The following ITGA9 variants were observed in gnomAD, a reference collection of about 807,000 sequenced individuals.
ITGA9 encodes integrin alpha-9.
A neutral mutation model predicts 127.8 loss-of-function variants in ITGA9; 56 were observed. That is an observed-to-expected ratio of 0.44 (90% CI 0.35 to 0.55). ITGA9 has a LOEUF of 0.55. ITGA9 is among the 20% of genes least tolerant of loss of function. ITGA9 has a pLI of 0.00. For synonymous variants in ITGA9, 508 were observed against 514.5 expected, an observed-to-expected ratio of 0.99 and a Z score of 0.17; for missense variants, 1,196 against 1,347.1, an observed-to-expected ratio of 0.89 and a Z score of 1.76.
chr3:37,601,176 A>T (rs779903237), intron 15 of ITGA9, among the ~76,000 whole-genome samples: 2 of 152,166 alleles, frequency 1.3e-5, no homozygotes, highest in Non-Finnish European at 2.9e-5. Context: ...TATTGGATGG[A>T]AAAGAGGGAA....
chr3:37,737,945 A>G (rs1244536299), intron 20 of ITGA9, among the ~76,000 whole-genome samples: 1 of 152,204 alleles, frequency 6.6e-6, no homozygotes, highest in Non-Finnish European at 1.5e-5. Context: ...TGATTCATAA[A>G]TACTTCAGTG....
rs1380066443 is a variant in ITGA9, at chr3:37,799,921, G to C, written c.2890-3902G>C. 1.3e-4 allele frequency among the ~76,000 whole-genome samples: 20 copies of C among 152,268 alleles called. No individual in the cohort carries two copies. Among genetic ancestry groups the C allele is most frequent in the Non-Finnish European group, 2.9e-5 (2 of 68,002 alleles). On this transcript the variant is annotated intron_variant, in intron 26 of 27. Transcript: ENST00000264741. This position sits in a 1 kb window ranked among gnomAD's most constrained non-coding sequence, Gnocchi z 4.0. Reference sequence around the variant, plus strand: ...CGTCCATGCTGCTGTTCCTTCCTTAGAGTTTTGTTTTTTAATCTAAGATAT... The same window carrying C: ...CGTCCATGCTGCTGTTCCTTCCTTACAGTTTTGTTTTTTAATCTAAGATAT...
intron 15 of ITGA9, among the ~76,000 whole-genome samples, chr3:37,608,031 C>T (rs1288902570): frequency 6.6e-6 from 1 of 152,220 alleles, no homozygotes; most frequent in African/African-American, 2.4e-5. Flanking sequence ...TACAGGTGAG[C>T]ATCCGATCTG....
chr3:37,471,209 C>T lies in ITGA9; in HGVS notation c.313+75C>T, dbSNP rs1698427806. On this transcript the variant is annotated intron_variant, in intron 2 of 27. Coordinates refer to ENST00000264741, the MANE Select transcript of ITGA9 (RefSeq NM_002207.3). The stretch of plus-strand genomic sequence containing the variant: ...CTTGCTCTTCTTCTTCCCAGGATGG[C>T]CTGATCATTCACTCACCCATCCATC... 2.0e-6 allele frequency: 3 copies of T among 1,537,084 alleles called. No individual in the cohort carries two copies. In the South Asian group the frequency reaches 3.4e-5, roughly 17 times the overall value.
chr3:37,653,169 C>A lies in ITGA9; in HGVS notation c.1840-545C>A, dbSNP rs903897895. Among the ~76,000 whole-genome samples, 6 of 152,342 alleles carry A rather than the reference C, an allele frequency of 3.9e-5. No homozygotes were observed. The East Asian group carries it at 9.6e-4, about 24-fold the overall frequency. ...ACCAACAAACTGGAAAGAATCTCCC[C>A]CAGTCTGTTGTGATTCCCTCAGCCT... On this transcript the variant is annotated intron_variant, in intron 16 of 27. Coordinates refer to ENST00000264741, the MANE Select transcript of ITGA9 (RefSeq NM_002207.3).
Position 37,785,194 on chromosome 3 carries a change from T to G in ITGA9, c.2889+116T>G, listed in dbSNP as rs1400621410. The G allele has an allele frequency of 5.0e-6, 4 of 792,642 alleles. No individual in the cohort carries two copies. The Admixed American group carries it at 7.6e-5, about 15-fold the overall frequency. The allele number at this position is 792,642 out of a possible 1,614,324, so 49.1% of individuals were successfully genotyped here. Reference sequence around the variant, plus strand: ...AGTCTCTGAGCCAAGATGTTGGGTTTGTGGCAGACCCAAGACTATGCCTGC... The same window carrying G: ...AGTCTCTGAGCCAAGATGTTGGGTTGGTGGCAGACCCAAGACTATGCCTGC... On this transcript the variant is annotated intron_variant, in intron 26 of 27. Transcript: ENST00000264741.
intron 16 of ITGA9, among the ~76,000 whole-genome samples, chr3:37,644,678 C>T (rs1302486300): frequency 6.6e-6 from 1 of 152,144 alleles, no homozygotes; most frequent in Non-Finnish European, 1.5e-5. Flanking sequence ...CAGAACTTGT[C>T]ATTTCTAGTT....
intron 18 of ITGA9, among the ~76,000 whole-genome samples, chr3:37,714,140 T>TA (rs1701107945): frequency 6.6e-6 from 1 of 152,196 alleles, no homozygotes; most frequent in Admixed American, 6.5e-5. Flanking sequence ...ACTTAATAGT[T>TA]ACATGGATAT....
intron 1 of ITGA9, 121 bp from the exon 2 acceptor site, chr3:37,470,886 A>C: frequency 1.0e-6 from 1 of 969,722 alleles, no homozygotes; most frequent in East Asian, 2.5e-5. Context: ...GAAAAGTATA[A>C]TAATATGATT....
At chr3:37,558,412 TC>T (rs1381767990) in intron 15 of ITGA9, among the ~76,000 whole-genome samples, 1 of 152,160 alleles carries the variant, frequency 6.6e-6, no homozygotes, top group African/African-American at 2.4e-5. Context: ...ATGCCTGCAT[TC>T]GGGGCACTGT....
chr3:37,487,696 G>A (rs1559518395), intron 4 of ITGA9, among the ~76,000 whole-genome samples: 1 of 152,086 alleles, frequency 6.6e-6, no homozygotes. Context: ...GCTTGATGAA[G>A]GTCACAGGCT....
intron 15 of ITGA9, among the ~76,000 whole-genome samples, chr3:37,611,552 C>G (rs569938099): frequency 1.3e-5 from 2 of 152,190 alleles, no homozygotes; most frequent in East Asian, 3.9e-4. Flanking sequence ...TTTTTTATTA[C>G]AGGTTTGGGA....
intron 4 of ITGA9, among the ~76,000 whole-genome samples, chr3:37,485,165 G>A (rs1401463469): frequency 2.0e-5 from 3 of 152,132 alleles, no homozygotes; most frequent in African/African-American, 4.8e-5. Context: ...GCTGGAGCCC[G>A]TCCCCAAGGG....
intron 23 of ITGA9, among the ~76,000 whole-genome samples, chr3:37,763,990 G>C (rs534910272): frequency 4.6e-5 from 7 of 152,142 alleles, no homozygotes; most frequent in Non-Finnish European, 8.8e-5. Context: ...CCTTTGGACA[G>C]AATACAATCG....
chr3:37,509,568 A>G (rs1698880735), intron 8 of ITGA9, among the ~76,000 whole-genome samples: 1 of 152,086 alleles, frequency 6.6e-6, no homozygotes, highest in Non-Finnish European at 1.5e-5. Context: ...GGATCCTTCC[A>G]TGTTGTTCTC....
At chr3:37,749,146 A>G (rs566951127) in intron 22 of ITGA9, 52 of 204,672 alleles carry the variant, frequency 2.5e-4, no homozygotes, top group African/African-American at 1.2e-3. Flanking sequence ...TGCCAGAGGC[A>G]CCAGGGGAAA....
At chr3:37,538,618 C>T (rs573316042) in intron 14 of ITGA9, among the ~76,000 whole-genome samples, 3 of 152,206 alleles carry the variant, frequency 2.0e-5, no homozygotes, top group Non-Finnish European at 4.4e-5. Flanking sequence ...GCCCTGACCG[C>T]GGAGCCCGGG....
intron 17 of ITGA9, among the ~76,000 whole-genome samples, chr3:37,667,291 C>T (rs368665518): frequency 3.3e-5 from 5 of 152,176 alleles, no homozygotes; most frequent in African/African-American, 1.2e-4. Context: ...GATAACTATT[C>T]TCTATTGCAT....
At chr3:37,748,939 T>TA (rs549488698) in intron 22 of ITGA9, 15,363 of 531,624 alleles carry the variant, frequency 0.029, 4 homozygotes, top group South Asian at 0.038. Flanking sequence ...CTGGACTGTT[T>TA]AAAAAAAAAA....
Sources: gnomAD v4.1 joint callset for allele counts (sites outside exome capture counted in the v4.1 genomes callset) on GRCh38, gnomAD v4.1.1 for gene constraint, Gnocchi (gnomAD v3.1) non-coding constraint, MANE v1.5 for transcripts, NCBI Gene and HGNC (gene_info 2026-07-23, HGNC 2026-07-21) for gene names.